Variants in TAF4 observed in about 807,000 individuals in gnomAD.
TAF4 encodes transcription initiation factor TFIID subunit 4.
A neutral mutation model predicts 90.3 loss-of-function variants in TAF4; 9 were observed. That is an observed-to-expected ratio of 0.10 (90% CI 0.06 to 0.17). The LOEUF (loss-of-function observed/expected upper bound fraction) is 0.17. Ranked by LOEUF, TAF4 falls within the 10% of genes least tolerant of loss-of-function variation. TAF4 has a pLI of 1.00. For synonymous variants in TAF4, 818 were observed against 638.9 expected (o/e 1.28, Z -4.23); for missense variants, 1,351 against 1,370.7 (o/e 0.99, Z 0.23).
chr20:62,007,410 C>A (rs531502172), intron 6 of TAF4, 137 bp downstream of exon 6: 1 of 747,512 alleles, frequency 1.3e-6, no homozygotes, highest in African/African-American at 1.8e-5. Context: ...ACTGAGTCCC[C>A]GGCCCCACCC....
chr20:61,995,144 C>G (rs1406567631), intron 14 of TAF4, among the ~76,000 whole-genome samples: 1 of 152,138 alleles, frequency 6.6e-6, no homozygotes. Flanking sequence ...ATCACAGAGT[C>G]CAGTCTCTTG....
At chr20:62,053,704 A>G (rs2056044082) in intron 1 of TAF4, among the ~76,000 whole-genome samples, 1 of 152,218 alleles carries the variant, frequency 6.6e-6, no homozygotes, top group African/African-American at 2.4e-5. Context: ...TGGCCCACCA[A>G]GGCCAAGCAC....
chr20:61,985,923 AGC>A (rs2055587183), intron 14 of TAF4, among the ~76,000 whole-genome samples: 2 of 150,562 alleles, frequency 1.3e-5, no homozygotes, highest in African/African-American at 2.5e-5. Context: ...GACCAAAGGA[AGC>A]ACCATCCCCG....
At position 61,976,014 on chromosome 20, in the gene TAF4, T is replaced by C. The variant is rs2055492152; in HGVS notation, c.*154A>G. 5 of 755,394 alleles carry C rather than the reference T, an allele frequency of 6.6e-6. No individual in the cohort carries two copies. Among genetic ancestry groups the C allele is most frequent in the African/African-American group, 1.8e-5 (1 of 56,630 alleles). 46.8% of individuals were successfully genotyped at this position (755,394 alleles called of 1,614,324 possible). On this transcript the variant is annotated 3_prime_UTR_variant, in exon 15 of 15. Transcript: ENST00000252996. ...TTGTGTTCTCTCTGTTACAGAAACG[T>C]GTTTTCTTTCACACTGAAGAGCTGA...
chr20:62,060,848 C>T (rs527566423), intron 1 of TAF4, among the ~76,000 whole-genome samples: 513 of 152,306 alleles, frequency 3.4e-3, no homozygotes, highest in Non-Finnish European at 4.8e-3. Flanking sequence ...CAGTCAGCTG[C>T]CACACCAAAC....
Position 62,016,764 on chromosome 20 carries a change from T to C in TAF4, c.1361-2057A>G, listed in dbSNP as rs558362259. On this transcript the variant is annotated intron_variant, in intron 1 of 14. Transcript: ENST00000252996. ...ATCTCTCCTATTAGTTCTGTCCCTT[T>C]AGAGTACGCTAATACAATGTCCTCA... Among the ~76,000 whole-genome samples the C allele has an allele frequency of 3.3e-5, 5 of 152,326 alleles. No individual in the cohort carries two copies. The East Asian group carries it at 9.6e-4, about 29-fold the overall frequency.
In TAF4 at chr20:62,022,862, C is replaced by CA. The variant is rs1491138100; in HGVS notation, c.1361-8156_1361-8155insT. The stretch of plus-strand genomic sequence containing the variant: ...GCAGCTCCTGGTCCAGCACTTGCAG[C>CA]CCCCCCCCCGCACATTGCAGATACT... On this transcript the variant is annotated intron_variant, in intron 1 of 14. Transcript: ENST00000252996. Among the ~76,000 whole-genome samples the CA allele has an allele frequency of 1.3e-4, 11 of 82,462 alleles. No homozygotes were observed. The South Asian group carries it at 1.6e-3, about 12-fold the overall frequency. 54.1% of individuals were successfully genotyped at this position (82,462 alleles called of 152,430 possible). A position where few individuals can be genotyped will look rare whatever the true frequency, so the allele number is the denominator to read the frequency against.
chr20:62,065,600 C>T lies in TAF4; in HGVS notation c.211G>A (p.Ala71Thr). ...HVVSGSPAGA[A>T]GAGPAAPAEG... is the part of the protein sequence containing the mutation. ...GCGGGGGCGGCCGGCCCTGCGCCCGCGGCTCCGGCCGGGCTGCCGCTCACA... is the reference window on the plus strand; with the variant it reads ...GCGGGGGCGGCCGGCCCTGCGCCCGTGGCTCCGGCCGGGCTGCCGCTCACA... Residue 71 changes from alanine (A) to threonine (T), a missense_variant, in exon 1 of 15, where the codon GCG (alanine) becomes ACG (threonine). Around this residue, in one of 9 missense-constraint regions of TAF4, gnomAD observed 782 missense variants for 536.6 expected, o/e 1.46. Transcript: ENST00000252996. 1 of 989,028 alleles carries T rather than the reference C, an allele frequency of 1.0e-6. No individual in the cohort carries two copies. The highest frequency in any genetic ancestry group is 1.2e-6 in the Non-Finnish European group (1 of 834,824). 61.3% of individuals were successfully genotyped at this position (989,028 alleles called of 1,614,324 possible).
Position 62,006,349 on chromosome 20 carries a change from GT to G in TAF4, c.2223+160del. 9.9e-7 allele frequency: 1 copy of G among 1,008,164 alleles called. No individual in the cohort carries two copies. Among genetic ancestry groups the G allele is most frequent in the Non-Finnish European group, 1.3e-6 (1 of 776,796 alleles). The allele number at this position is 1,008,164 out of a possible 1,614,324, so 62.5% of individuals were successfully genotyped here. ...CAACATCCCAGGGCCTCAACCTCTG[GT>G]TTCTATTTTAACTATTTAAGGTAAT... On this transcript the variant is annotated intron_variant, in intron 7 of 14. Transcript: ENST00000252996. This position sits in a 1 kb window ranked among gnomAD's most constrained non-coding sequence, Gnocchi z 7.0.
At chr20:62,011,576 G>A (rs910950613) in intron 3 of TAF4, among the ~76,000 whole-genome samples, 2 of 152,192 alleles carry the variant, frequency 1.3e-5, no homozygotes, top group African/African-American at 2.4e-5. Flanking sequence ...CATCTCCCTG[G>A]TACTGAACCG....
intron 14 of TAF4, among the ~76,000 whole-genome samples, chr20:61,976,673 G>A (rs1453635362): frequency 1.3e-5 from 2 of 152,366 alleles, no homozygotes; most frequent in East Asian, 3.9e-4. Context: ...CACCCTCCAT[G>A]TGACCACAGC....
chr20:62,008,564 C>A (rs1003092484), intron 5 of TAF4, among the ~76,000 whole-genome samples: 1 of 150,928 alleles, frequency 6.6e-6, no homozygotes, highest in Non-Finnish European at 1.5e-5. Flanking sequence ...GTGGGGGGGA[C>A]GGCTCTGCCA....
In TAF4 at chr20:62,050,446, T is replaced by G. The variant is rs190660429; in HGVS notation, c.1360+14005A>C. On this transcript the variant is annotated intron_variant, in intron 1 of 14. Transcript: ENST00000252996. ...AAAACGCCACAATGCCTGCTTGTGC[T>G]TGTACATGGAGATTCCAGACAGGTG... Among the ~76,000 whole-genome samples, 23 of 152,228 alleles carry G rather than the reference T, an allele frequency of 1.5e-4. 1 individual carries two copies. The Middle Eastern group carries it at 0.01, about 68-fold the overall frequency.
At position 62,042,294 on chromosome 20, in the gene TAF4, C is replaced by G. The variant is rs985188472; in HGVS notation, c.1360+22157G>C. 1.1e-4 allele frequency among the ~76,000 whole-genome samples: 17 copies of G among 152,308 alleles called. 1 individual carries two copies. The highest frequency in any genetic ancestry group is 8.5e-4 in the Admixed American group (13 of 15,306). On this transcript the variant is annotated intron_variant, in intron 1 of 14. Transcript: ENST00000252996. ...GGACGGCTGAACTCCAGAGGAAGAT[C>G]ATCTTCTCACTCCATCCCCTTGCCA...
intron 14 of TAF4, among the ~76,000 whole-genome samples, chr20:61,985,932 C>CCCGACCAAAGGAAACACCATCG (rs2055587503): frequency 6.6e-6 from 1 of 151,872 alleles, no homozygotes; most frequent in East Asian, 1.9e-4. Context: ...AAGCACCATC[C>CCCGACCAAAGGAAACACCATCG]CCGACCAAAG....
intron 1 of TAF4, among the ~76,000 whole-genome samples, chr20:62,038,480 C>T (rs1441334155): frequency 2.0e-5 from 3 of 151,788 alleles, no homozygotes; most frequent in African/African-American, 7.3e-5. Flanking sequence ...CCACCGCGCC[C>T]GGCCAAAAGC....
chr20:62,004,332 T>TC (rs2055729927), intron 7 of TAF4, among the ~76,000 whole-genome samples: 1 of 144,102 alleles, frequency 6.9e-6, no homozygotes, highest in African/African-American at 2.5e-5. Flanking sequence ...TCTTTTCTTT[T>TC]TTTTTTTTTT....
At chr20:62,017,583 C>T (rs754111756) in intron 1 of TAF4, among the ~76,000 whole-genome samples, 30 of 152,238 alleles carry the variant, frequency 2.0e-4, no homozygotes, top group Non-Finnish European at 3.5e-4. Flanking sequence ...GGAGGCAGAG[C>T]TTGCAGTGAG....
chr20:62,052,604 T>C (rs945017130), intron 1 of TAF4, among the ~76,000 whole-genome samples: 8 of 151,760 alleles, frequency 5.3e-5, no homozygotes, highest in African/African-American at 1.5e-4. Flanking sequence ...TGGGATCTTG[T>C]CACCTCCCCC....
Sources: allele counts gnomAD v4.1 joint callset (sites outside exome capture counted in the v4.1 genomes callset), GRCh38; gene constraint gnomAD v4.1.1; regional missense constraint gnomAD v4.1.1; non-coding constraint Gnocchi (gnomAD v3.1); transcripts MANE v1.5; gene names NCBI Gene and HGNC (gene_info 2026-07-23, HGNC 2026-07-21).